MEGF10: variants seen among roughly 807,000 people sequenced by gnomAD.
MEGF10 encodes multiple EGF like domains 10.
In MEGF10, 86 loss-of-function variants were observed where a neutral mutation model predicts 147.5. The observed-to-expected ratio is 0.58, with a 90% CI of 0.49 to 0.70. MEGF10 has a LOEUF of 0.70. Ranked by LOEUF, MEGF10 falls within the 30% of genes least tolerant of loss-of-function variation. The pLI is 0.00. For missense variants in MEGF10, 1,329 were observed against 1,487.3 expected (o/e 0.89, Z 1.75); for synonymous variants, 478 against 525.5 (o/e 0.91, Z 1.24).
In MEGF10 at chr5:127,342,209, A is replaced by T. The variant is rs79149517; in HGVS notation, c.319+1579A>T. ...AGGCTGATGGGAAATTTTCAAAAGAAAGCAGTGTGGAGTACACACAGGGGT... is the reference window on the plus strand; with the variant it reads ...AGGCTGATGGGAAATTTTCAAAAGATAGCAGTGTGGAGTACACACAGGGGT... On this transcript the variant is annotated intron_variant, in intron 4 of 24. Coordinates refer to ENST00000503335, the MANE Select transcript of MEGF10 (RefSeq NM_001256545.2). 2.4e-3 allele frequency among the ~76,000 whole-genome samples: 362 copies of T among 152,288 alleles called. 1 individual carries two copies. The highest frequency in any genetic ancestry group is 8.2e-3 in the African/African-American group (339 of 41,568).
At chr5:127,337,614 A>G (rs1761517614) in intron 2 of MEGF10, among the ~76,000 whole-genome samples, 1 of 152,098 alleles carries the variant, frequency 6.6e-6, no homozygotes, top group Non-Finnish European at 1.5e-5. Context: ...GCATGCAGGC[A>G]TTTGCACACT....
At chr5:127,299,962 A>T (rs971369684) in intron 1 of MEGF10, 1 of 152,172 alleles carries the variant, frequency 6.6e-6, no homozygotes, top group Non-Finnish European at 1.5e-5. Context: ...TAGAGCTCCT[A>T]GTAATTATGT....
Position 127,443,138 on chromosome 5 carries a change from A to G in MEGF10, c.2491+12A>G, listed in dbSNP as rs775851880. 6.2e-7 allele frequency: 1 copy of G among 1,610,216 alleles called. No individual in the cohort carries two copies. The highest frequency in any genetic ancestry group is 1.3e-5 in the African/African-American group (1 of 74,956). On this transcript the variant is annotated intron_variant, in intron 19 of 24. Transcript: ENST00000503335. Reference sequence around the variant, plus strand: ...GAGATGTGATCAAGGTAAATATACTAGCTAATGTTTGTAGCACTGCAGTAT... The same window carrying G: ...GAGATGTGATCAAGGTAAATATACTGGCTAATGTTTGTAGCACTGCAGTAT...
intron 16 of MEGF10, among the ~76,000 whole-genome samples, chr5:127,437,174 C>G (rs1289832825): frequency 6.6e-6 from 1 of 152,182 alleles, no homozygotes. Context: ...CACTGAGCAT[C>G]AAATGGGCTA....
At chr5:127,446,100 C>G (rs1328435295) in intron 20 of MEGF10, among the ~76,000 whole-genome samples, 1 of 152,138 alleles carries the variant, frequency 6.6e-6, no homozygotes, top group African/African-American at 2.4e-5. Flanking sequence ...ATGTGCTTCC[C>G]AGCCTCTCCC....
At chr5:127,271,457 A>T in the MEGF10 span, among the ~76,000 whole-genome samples, 1 of 151,262 alleles carries the variant, frequency 6.6e-6, no homozygotes, top group African/African-American at 2.4e-5. Flanking sequence ...TGGATTTTAG[A>T]CCTTTGTCAG....
chr5:127,385,420 G>A (rs985433215), intron 5 of MEGF10, among the ~76,000 whole-genome samples: 5 of 151,912 alleles, frequency 3.3e-5, no homozygotes, highest in African/African-American at 4.8e-5. Flanking sequence ...TTACAGGTAC[G>A]CACCACCATG....
At chr5:127,361,785 G>T (rs1022726837) in intron 4 of MEGF10, among the ~76,000 whole-genome samples, 3 of 152,068 alleles carry the variant, frequency 2.0e-5, no homozygotes, top group Non-Finnish European at 4.4e-5. Flanking sequence ...CATTGACTTT[G>T]AGTTATTTAG....
At chr5:127,406,849 G>A (rs1297056036) in intron 8 of MEGF10, among the ~76,000 whole-genome samples, 1 of 152,198 alleles carries the variant, frequency 6.6e-6, no homozygotes, top group Non-Finnish European at 1.5e-5. Context: ...TTCTGAAGGG[G>A]TTAAAAGAGT....
At chr5:127,391,098 G>GCGCGCA (rs1554097022) in intron 5 of MEGF10, among the ~76,000 whole-genome samples, 2 of 29,790 alleles carry the variant, frequency 6.7e-5, no homozygotes, top group East Asian at 1.2e-3. Flanking sequence ...GCGCGCGCGC[G>GCGCGCA]CGCGCACACA....
At chr5:127,426,130 T>C (rs1765203549) in intron 13 of MEGF10, among the ~76,000 whole-genome samples, 1 of 152,178 alleles carries the variant, frequency 6.6e-6, no homozygotes, top group Admixed American at 6.5e-5. Flanking sequence ...CATGACTAAA[T>C]TGAGGAAGTC....
intron 19 of MEGF10, 82 bp from the exon 20 acceptor site, chr5:127,445,375 C>A: frequency 9.9e-7 from 1 of 1,009,046 alleles, no homozygotes; most frequent in Non-Finnish European, 1.6e-6. Context: ...GGCATTAGCA[C>A]AGAAGGAGGT....
chr5:127,338,689 T>G (rs1489465835), intron 2 of MEGF10, among the ~76,000 whole-genome samples: 1 of 152,108 alleles, frequency 6.6e-6, no homozygotes, highest in Non-Finnish European at 1.5e-5. Context: ...AGTAGCAAAA[T>G]GCACTCTATT....
intron 17 of MEGF10, 68 bp downstream of exon 17, chr5:127,438,635 C>T (rs1366897332): frequency 8.4e-6 from 13 of 1,552,246 alleles, no homozygotes; most frequent in South Asian, 1.2e-5. Flanking sequence ...CCTTACCCTC[C>T]GCATGCGTGA....
chr5:127,415,819 C>G (rs942574959), intron 9 of MEGF10, among the ~76,000 whole-genome samples: 1 of 145,400 alleles, frequency 6.9e-6, no homozygotes, highest in African/African-American at 2.5e-5. Flanking sequence ...AGAAGAATCA[C>G]TTGAATGGTG....
chr5:127,428,135 T>A, intron 13 of MEGF10, among the ~76,000 whole-genome samples: 1 of 142,720 alleles, frequency 7.0e-6, no homozygotes, highest in African/African-American at 2.6e-5. Context: ...GGCCATGGTG[T>A]CTGGTATTTT....
intron 15 of MEGF10, 122 bp downstream of exon 15, chr5:127,434,943 C>T: frequency 7.6e-7 from 1 of 1,315,426 alleles, no homozygotes. Context: ...GGAATGTCTT[C>T]TGCTGTGCTG....
intron 16 of MEGF10, 113 bp from the exon 17 acceptor site, chr5:127,438,326 A>T (rs1580870872): frequency 8.2e-7 from 1 of 1,218,926 alleles, no homozygotes; most frequent in East Asian, 2.4e-5. Flanking sequence ...CTTAGTCCTG[A>T]TGTACACTGC....
At chr5:127,333,879 T>C (rs1172604331) in intron 2 of MEGF10, among the ~76,000 whole-genome samples, 1 of 152,148 alleles carries the variant, frequency 6.6e-6, no homozygotes, top group Admixed American at 6.6e-5. Flanking sequence ...AAGTGATTAG[T>C]GCAAACTCTA....
Sources: allele counts gnomAD v4.1 joint callset (sites outside exome capture counted in the v4.1 genomes callset), GRCh38; gene constraint gnomAD v4.1.1; transcripts MANE v1.5; gene names NCBI Gene and HGNC (gene_info 2026-07-23, HGNC 2026-07-21).